SPOPL: variants seen among roughly 807,000 people sequenced by gnomAD.
The protein encoded by SPOPL is speckle type BTB/POZ protein like.
In SPOPL, 23 loss-of-function variants were observed where a neutral mutation model predicts 53.8. The observed-to-expected ratio is 0.43, with a 90% CI of 0.31 to 0.61. The LOEUF (loss-of-function observed/expected upper bound fraction) is 0.61, where lower values mean the gene tolerates loss of function less well. SPOPL is among the 20% of genes least tolerant of loss of function. The pLI is 0.12. For synonymous variants in SPOPL, 164 were observed against 149.7 expected (o/e 1.10, Z -0.70); for missense variants, 442 against 466.9 (o/e 0.95, Z 0.49).
At chr2:138,530,070 G>T (rs1298819913) in intron 1 of SPOPL, among the ~76,000 whole-genome samples, 1 of 152,128 alleles carries the variant, frequency 6.6e-6, no homozygotes, top group African/African-American at 2.4e-5. Context: ...AGAACCTGTG[G>T]TATTTGGTTT....
chr2:138,548,513 A>G (rs971656481), intron 1 of SPOPL, among the ~76,000 whole-genome samples: 1 of 152,002 alleles, frequency 6.6e-6, no homozygotes, highest in African/African-American at 2.4e-5. Context: ...AAAGTATGAG[A>G]GTGCCTCTCC....
At chr2:138,519,969 CA>C (rs1684521767) in intron 1 of SPOPL, among the ~76,000 whole-genome samples, 1 of 151,990 alleles carries the variant, frequency 6.6e-6, no homozygotes, top group African/African-American at 2.4e-5. Flanking sequence ...GGTATAGGGA[CA>C]AAGGGTGGTT....
intron 1 of SPOPL, 57 bp downstream of exon 1, chr2:138,502,176 C>G (rs1229858575): frequency 6.5e-6 from 1 of 152,704 alleles, no homozygotes; most frequent in Non-Finnish European, 1.5e-5. Flanking sequence ...GCTTGCTCCC[C>G]TCCCCCGGCT....
At chr2:138,549,744 A>G in intron 1 of SPOPL, among the ~76,000 whole-genome samples, 1 of 152,098 alleles carries the variant, frequency 6.6e-6, no homozygotes, top group Non-Finnish European at 1.5e-5. Context: ...CAGATGGGTA[A>G]CTAGTATTTA....
chr2:138,561,882 C>A (rs1216730901), intron 8 of SPOPL, among the ~76,000 whole-genome samples: 2 of 151,936 alleles, frequency 1.3e-5, no homozygotes, highest in East Asian at 3.9e-4. Flanking sequence ...CCTCTCTACC[C>A]CCTCAAGGAG....
chr2:138,521,650 A>G (rs754904875), intron 1 of SPOPL, among the ~76,000 whole-genome samples: 4 of 152,180 alleles, frequency 2.6e-5, no homozygotes, highest in Non-Finnish European at 4.4e-5. Context: ...AGCATGTGTT[A>G]ATAGCTTTTA....
chr2:138,560,054 A>C lies in SPOPL; in HGVS notation c.714+717A>C, dbSNP rs144156463. On this transcript the variant is annotated intron_variant, in intron 7 of 10. Transcript: ENST00000280098. Reference sequence around the variant, plus strand: ...ATCAATGATGTCATATACTATTGACATCAAGGGGTCAGAAAAATTTGCTGT... The same window carrying C: ...ATCAATGATGTCATATACTATTGACCTCAAGGGGTCAGAAAAATTTGCTGT... Among the ~76,000 whole-genome samples the C allele has an allele frequency of 7.9e-5, 12 of 152,344 alleles. 1 individual carries two copies. Among genetic ancestry groups the C allele is most frequent in the African/African-American group, 2.9e-4 (12 of 41,576 alleles).
At chr2:138,530,641 C>T (rs1684786094) in intron 1 of SPOPL, among the ~76,000 whole-genome samples, 1 of 151,896 alleles carries the variant, frequency 6.6e-6, no homozygotes, top group Non-Finnish European at 1.5e-5. Context: ...TTTTGCTTTC[C>T]AATTGTTGCT....
At chr2:138,522,326 C>G (rs180710393) in intron 1 of SPOPL, among the ~76,000 whole-genome samples, 1 of 152,244 alleles carries the variant, frequency 6.6e-6, no homozygotes, top group East Asian at 1.9e-4. Flanking sequence ...ACCTGTCAGA[C>G]TTTGAAGGGA....
intron 1 of SPOPL, among the ~76,000 whole-genome samples, chr2:138,512,647 C>T (rs1684350874): frequency 6.6e-6 from 1 of 151,824 alleles, no homozygotes; most frequent in Non-Finnish European, 1.5e-5. Context: ...TTTCGTATAC[C>T]CTGATAACAA....
At chr2:138,566,293 A>G (rs1377832636) in intron 10 of SPOPL, among the ~76,000 whole-genome samples, 8 of 152,182 alleles carry the variant, frequency 5.3e-5, no homozygotes, top group Admixed American at 6.5e-5. Context: ...AGTATACTAT[A>G]TTAGCATCAA....
intron 1 of SPOPL, among the ~76,000 whole-genome samples, chr2:138,528,762 CATGTCTTAAAGAATTTA>C (rs1474647253): frequency 6.6e-6 from 1 of 152,152 alleles, no homozygotes; most frequent in African/African-American, 2.4e-5. Context: ...CTGGAAAGGA[CATGTCTTAAAGAATTTA>C]GTGTAAGCTT....
chr2:138,524,958 C>T (rs564639921), intron 1 of SPOPL, among the ~76,000 whole-genome samples: 3 of 151,866 alleles, frequency 2.0e-5, no homozygotes, highest in South Asian at 2.1e-4. Flanking sequence ...CCCTCCAGAC[C>T]GTTCCAGTCT....
chr2:138,564,648 C>T, intron 8 of SPOPL, 60 bp from the exon 9 acceptor site: 1 of 1,579,446 alleles, frequency 6.3e-7, no homozygotes, highest in Non-Finnish European at 8.6e-7. Context: ...GCAAATGTAT[C>T]ATGTATTCAG....
At chr2:138,557,166 A>G (rs564600680) in intron 5 of SPOPL, among the ~76,000 whole-genome samples, 6 of 152,306 alleles carry the variant, frequency 3.9e-5, no homozygotes, top group South Asian at 2.1e-4. Flanking sequence ...AAAAGAAAAA[A>G]AAAAAGAATC....
At chr2:138,553,388 A>G (rs1051007636) in intron 5 of SPOPL, among the ~76,000 whole-genome samples, 6 of 152,160 alleles carry the variant, frequency 3.9e-5, no homozygotes, top group African/African-American at 1.4e-4. Flanking sequence ...TTCAAGGATT[A>G]TATTTTTAAC....
In SPOPL at chr2:138,526,715, A is replaced by G. The variant is rs1057500030; in HGVS notation, c.-60-23442A>G. Among the ~76,000 whole-genome samples the G allele has an allele frequency of 2.7e-5, 4 of 148,544 alleles. No homozygotes were observed. The East Asian group carries it at 7.9e-4, about 29-fold the overall frequency. ...TCCTTTATTTGGTCCTCATTCTTAA[A>G]TAGAGTATGGAATTTTTTTTTTTTT... On this transcript the variant is annotated intron_variant, in intron 1 of 10. Coordinates refer to ENST00000280098, the MANE Select transcript of SPOPL (RefSeq NM_001001664.3).
At chr2:138,530,646 G>T (rs567953476) in intron 1 of SPOPL, among the ~76,000 whole-genome samples, 1 of 152,108 alleles carries the variant, frequency 6.6e-6, no homozygotes, top group African/African-American at 2.4e-5. Flanking sequence ...CTTTCCAATT[G>T]TTGCTAACAT....
At chr2:138,513,235 TAG>T (rs1684365698) in intron 1 of SPOPL, among the ~76,000 whole-genome samples, 3 of 152,154 alleles carry the variant, frequency 2.0e-5, no homozygotes. Flanking sequence ...CTGGACAACA[TAG>T]CAAGACATTG....
Sources: allele counts gnomAD v4.1 joint callset (sites outside exome capture counted in the v4.1 genomes callset), GRCh38; gene constraint gnomAD v4.1.1; transcripts MANE v1.5; gene names NCBI Gene and HGNC (gene_info 2026-07-23, HGNC 2026-07-21).